Variants in F13B observed in about 807,000 individuals in gnomAD.
The protein encoded by F13B is TGase.
In F13B, 58 loss-of-function variants were observed where a neutral mutation model predicts 79.8. The observed-to-expected ratio is 0.73, with a 90% CI of 0.59 to 0.90. The LOEUF (loss-of-function observed/expected upper bound fraction) is 0.90. Among genes scored for constraint, F13B ranks in the 40% least tolerant of loss-of-function variants. The pLI, the probability that F13B is intolerant of heterozygous loss-of-function variation, is 0.00. For missense variants in F13B, 773 were observed against 777.0 expected, an observed-to-expected ratio of 0.99 and a Z score of 0.06; for synonymous variants, 283 against 260.3, an observed-to-expected ratio of 1.09 and a Z score of -0.84.
Position 197,060,372 on chromosome 1 carries a change from A to G in F13B, c.799T>C (p.Cys267Arg). The G allele has an allele frequency of 1.2e-6, 2 of 1,611,332 alleles. No homozygotes were observed. The highest frequency in any genetic ancestry group is 1.7e-6 in the Non-Finnish European group (2 of 1,177,874). The part of the protein sequence containing the change: ...NFGWYPESPV[C>R]EGRRNRCPPP... Reference sequence around the variant, plus strand: ...ATTAAATTTAAAAATTTACCTTCGCATACAGGAGATTCTGGGTACCAACCA... The same window carrying G: ...ATTAAATTTAAAAATTTACCTTCGCGTACAGGAGATTCTGGGTACCAACCA... The change falls in exon 5 of 12, where the codon TGC becomes CGC. Residue 267 changes from cysteine (C) to arginine (R), a missense_variant. By Grantham distance (180) the Cys-to-Arg change is radical. Coordinates refer to ENST00000367412, the MANE Select transcript of F13B (RefSeq NM_001994.3).
At position 197,061,983 on chromosome 1, in the gene F13B, A is replaced by C; in HGVS notation, c.266-14T>G. The C allele has an allele frequency of 6.2e-7, 1 of 1,601,506 alleles. No individual in the cohort carries two copies. The highest frequency in any genetic ancestry group is 8.5e-7 in the Non-Finnish European group (1 of 1,170,456). The stretch of plus-strand genomic sequence containing the variant: ...TAGTGCATTTTTCTATGGGAAAAAA[A>C]ATTATTTAACTTAATGATGAAACTA... On this transcript the variant is annotated splice_polypyrimidine_tract_variant and intron_variant, in intron 2 of 11. Transcript: ENST00000367412.
chr1:197,055,055 T>C (rs910073077), intron 8 of F13B, among the ~76,000 whole-genome samples: 2 of 152,050 alleles, frequency 1.3e-5, no homozygotes, highest in African/African-American at 2.4e-5. Flanking sequence ...TTAAAGTATA[T>C]ATTGTAGAAG....
chr1:197,049,280 TAAAATAGAAAGCAAA>T (rs1213355154), intron 10 of F13B, among the ~76,000 whole-genome samples: 1 of 151,928 alleles, frequency 6.6e-6, no homozygotes, highest in African/African-American at 2.4e-5. Flanking sequence ...GCATAATTAA[TAAAATAGAAAGCAAA>T]ATTTGATGAA....
chr1:197,057,188 C>A lies in F13B; in HGVS notation c.996G>T (p.Glu332Asp). The A allele has an allele frequency of 1.9e-6, 3 of 1,613,890 alleles. No homozygotes were observed. Among genetic ancestry groups the A allele is most frequent in the Non-Finnish European group, 2.5e-6 (3 of 1,179,928 alleles). ...TEPPKCIEGQEKVACEEPPFI... is the reference protein window; with the variant it reads ...TEPPKCIEGQDKVACEEPPFI... Reference sequence around the variant, plus strand: ...AGGGTGGTTCCTCACAGGCTACCTTCTCCTGTCCTTCTGAAAAGGTACAGT... The same window carrying A: ...AGGGTGGTTCCTCACAGGCTACCTTATCCTGTCCTTCTGAAAAGGTACAGT... Residue 332 changes from glutamate (E) to aspartate (D), a missense_variant, in exon 7 of 12, where the codon GAG (glutamate) becomes GAT (aspartate). Transcript: ENST00000367412.
intron 10 of F13B, among the ~76,000 whole-genome samples, chr1:197,043,516 G>C (rs999842223): frequency 6.6e-6 from 1 of 152,164 alleles, no homozygotes; most frequent in African/African-American, 2.4e-5. Flanking sequence ...TTAATAAAAA[G>C]TATGAATTAT....
intron 10 of F13B, among the ~76,000 whole-genome samples, chr1:197,044,263 T>C (rs1655145804): frequency 6.6e-6 from 1 of 151,962 alleles, no homozygotes; most frequent in South Asian, 2.1e-4. Flanking sequence ...CATGGAGCCT[T>C]GCTCACTGCT....
At position 197,050,767 on chromosome 1, in the gene F13B, G is replaced by A; in HGVS notation, c.1668C>T (p.His556=). ...GSSVEYRCFD[H]HFLEGSREAY... is the part of the protein sequence containing the mutation. Reference sequence around the variant, plus strand: ...CCTCCCTAGATCCTTCTAGGAAATGGTGATCAAAACATCTGTATTCTACTG... The same window carrying A: ...CCTCCCTAGATCCTTCTAGGAAATGATGATCAAAACATCTGTATTCTACTG... Residue 556 remains histidine, a synonymous_variant, in exon 10 of 12, where the codon CAC becomes CAT. Transcript: ENST00000367412. The A allele has an allele frequency of 6.2e-7, 1 of 1,613,308 alleles. No homozygotes were observed. The highest frequency in any genetic ancestry group is 8.5e-7 in the Non-Finnish European group (1 of 1,179,628).
intron 11 of F13B, chr1:197,040,304 T>C: frequency 2.0e-6 from 1 of 504,224 alleles, no homozygotes; most frequent in Middle Eastern, 5.3e-4. Context: ...AAATATCAAA[T>C]GGCAAACGTT....
intron 8 of F13B, among the ~76,000 whole-genome samples, chr1:197,055,098 T>A (rs1192375195): frequency 6.6e-6 from 1 of 151,964 alleles, no homozygotes; most frequent in Non-Finnish European, 1.5e-5. Flanking sequence ...ATATTTTGAG[T>A]GAAAAAATCT....
chr1:197,057,137 T>A lies in F13B; in HGVS notation c.1047A>T (p.Leu349Phe), dbSNP rs753625753. 2 of 1,613,930 alleles carry A rather than the reference T, an allele frequency of 1.2e-6. No homozygotes were observed. The highest frequency in any genetic ancestry group is 2.7e-5 in the African/African-American group (2 of 75,028). Reference sequence around the variant, plus strand: ...CCCCATTGTAATAAATCTTAGAGTGTAAATTTGCTGCACCATTTTCAATGA... The same window carrying A: ...CCCCATTGTAATAAATCTTAGAGTGAAAATTTGCTGCACCATTTTCAATGA... The part of the protein sequence containing the change: ...PPFIENGAAN[L>F]HSKIYYNGDK... Residue 349 changes from leucine (L) to phenylalanine (F), a missense_variant, in exon 7 of 12, where the codon TTA becomes TTT. Coordinates refer to ENST00000367412, the MANE Select transcript of F13B (RefSeq NM_001994.3).
In F13B at chr1:197,060,910, G is replaced by A. The variant is rs1655830421; in HGVS notation, c.617C>T (p.Pro206Leu). The A allele has an allele frequency of 1.2e-6, 2 of 1,612,920 alleles. No homozygotes were observed. Among genetic ancestry groups the A allele is most frequent in the East Asian group, 2.2e-5 (1 of 44,766 alleles). ...ECLTYGWSLT[P>L]KCTKLKCSSL... Reference sequence around the variant, plus strand: ...AAATGAGAACCTACTGGTACATTTTGGTGTGAGAGACCATCCGTATGTGAG... The same window carrying A: ...AAATGAGAACCTACTGGTACATTTTAGTGTGAGAGACCATCCGTATGTGAG... The change falls in exon 4 of 12, where the codon CCA becomes CTA. Residue 206 changes from proline to leucine, a missense_variant. Transcript: ENST00000367412.
chr1:197,044,204 GACAGAC>G (rs1174035464), intron 10 of F13B, among the ~76,000 whole-genome samples: 1 of 151,968 alleles, frequency 6.6e-6, no homozygotes, highest in African/African-American at 2.4e-5. Flanking sequence ...CTTAGCCACC[GACAGAC>G]CAGGAGATAC....
chr1:197,055,181 A>C (rs1384856007), intron 8 of F13B, among the ~76,000 whole-genome samples: 1 of 151,994 alleles, frequency 6.6e-6, no homozygotes, highest in Non-Finnish European at 1.5e-5. Flanking sequence ...CATTTAGAAG[A>C]CCATTTATTA....
intron 7 of F13B, among the ~76,000 whole-genome samples, chr1:197,056,139 AT>A (rs1195879928): frequency 6.6e-6 from 1 of 152,164 alleles, no homozygotes. Context: ...TTGTGAAGGA[AT>A]TATGATATAC....
At chr1:197,046,464 G>A (rs1234971245) in intron 10 of F13B, among the ~76,000 whole-genome samples, 1 of 152,154 alleles carries the variant, frequency 6.6e-6, no homozygotes. Flanking sequence ...CAAGGGATGT[G>A]AAGGACCTCT....
chr1:197,053,652 T>G (rs1282760360), intron 8 of F13B, among the ~76,000 whole-genome samples: 5 of 152,082 alleles, frequency 3.3e-5, no homozygotes, highest in African/African-American at 9.6e-5. Context: ...ATCTTTAAAC[T>G]ACAGCATAAG....
At chr1:197,047,959 G>A (rs193026440) in intron 10 of F13B, among the ~76,000 whole-genome samples, 4 of 152,124 alleles carry the variant, frequency 2.6e-5, no homozygotes, top group African/African-American at 9.6e-5. Flanking sequence ...ATGGACACAG[G>A]GCAGGGAATA....
chr1:197,050,752 T>C lies in F13B; in HGVS notation c.1683A>G (p.Gly561=). 2 of 1,613,300 alleles carry C rather than the reference T, an allele frequency of 1.2e-6. No individual in the cohort carries two copies. Among genetic ancestry groups the C allele is most frequent in the Non-Finnish European group, 1.7e-6 (2 of 1,179,564 alleles). The change falls in exon 10 of 12, where the codon GGA becomes GGG. Residue 561 remains glycine (G), a synonymous_variant. Coordinates refer to ENST00000367412, the MANE Select transcript of F13B (RefSeq NM_001994.3). Reference sequence around the variant, plus strand: ...CATCTAAACAATAGGCCTCCCTAGATCCTTCTAGGAAATGGTGATCAAAAC... The same window carrying C: ...CATCTAAACAATAGGCCTCCCTAGACCCTTCTAGGAAATGGTGATCAAAAC... ...YRCFDHHFLE[G]SREAYCLDGM...
intron 10 of F13B, among the ~76,000 whole-genome samples, chr1:197,045,870 C>G (rs1402800231): frequency 6.6e-6 from 1 of 152,156 alleles, no homozygotes; most frequent in East Asian, 1.9e-4. Context: ...ATACACAAAT[C>G]AATAAACATA....
Sources: gnomAD v4.1 joint callset for allele counts (sites outside exome capture counted in the v4.1 genomes callset) on GRCh38, gnomAD v4.1.1 for gene constraint, MANE v1.5 for transcripts, NCBI Gene and HGNC (gene_info 2026-07-23, HGNC 2026-07-21) for gene names.